The following LRP5 variants were observed in gnomAD, a reference collection of about 807,000 sequenced individuals.
The protein encoded by LRP5 is low-density lipoprotein receptor-related protein 5.
Under a neutral mutation model 154.1 loss-of-function variants are expected in LRP5, and 62 were observed. The observed-to-expected ratio is 0.40, with a 90% CI of 0.33 to 0.50. The LOEUF (loss-of-function observed/expected upper bound fraction) is 0.50, where lower values mean the gene tolerates loss of function less well. LRP5 is among the 20% of genes least tolerant of loss of function. The pLI, the probability that LRP5 is intolerant of heterozygous loss-of-function variation, is 0.55. For missense variants in LRP5, 1,915 were observed against 2,336.7 expected, an observed-to-expected ratio of 0.82 and a Z score of 3.72; for synonymous variants, 966 against 1,011.5, an observed-to-expected ratio of 0.96 and a Z score of 0.85.
chr11:68,409,051 G>GGAAAAAAA (rs1395621273), intron 9 of LRP5, among the ~76,000 whole-genome samples: 1 of 51,428 alleles, frequency 1.9e-5, no homozygotes, highest in African/African-American at 9.1e-5. Flanking sequence ...CTTATCTGGG[G>GGAAAAAAA]AAAAAAAAAA....
intron 8 of LRP5, among the ~76,000 whole-genome samples, chr11:68,405,162 GAA>G (rs200521766): frequency 7.7e-6 from 1 of 130,528 alleles, no homozygotes. Flanking sequence ...GTCTCAAAAA[GAA>G]AAAAAAAAAA....
chr11:68,435,988 A>G (rs1171388063), intron 18 of LRP5, among the ~76,000 whole-genome samples: 3 of 152,204 alleles, frequency 2.0e-5, no homozygotes, highest in African/African-American at 7.2e-5. Flanking sequence ...GGCCTCCCAA[A>G]GTGCCATGAT....
chr11:68,308,667 C>T (rs1030242208), upstream of LRP5, among the ~76,000 whole-genome samples: 5 of 152,078 alleles, frequency 3.3e-5, no homozygotes, highest in Non-Finnish European at 7.3e-5. Context: ...AATGAATGTT[C>T]TCAAGGCTCC....
At position 68,410,899 on chromosome 11, in the gene LRP5, C is replaced by CAAGG. The variant is rs756120671; in HGVS notation, c.2319-537_2319-536insAAGG. Among the ~76,000 whole-genome samples, 89 of 152,260 alleles carry CAAGG rather than the reference C, an allele frequency of 5.8e-4. No homozygotes were observed. The Middle Eastern group carries it at 0.014, about 23-fold the overall frequency. ...GGATGGCAGGACAACAGAAAGAGGT[C>CAAGG]CAGGTTTTAGAGCAAGGGCAGGTCA... On this transcript the variant is annotated intron_variant, in intron 10 of 22. Coordinates refer to ENST00000294304, the MANE Select transcript of LRP5 (RefSeq NM_002335.4).
At chr11:68,363,665 A>G in intron 3 of LRP5, 82 bp from the exon 4 acceptor site, 1 of 1,228,230 alleles carries the variant, frequency 8.1e-7, no homozygotes, top group African/African-American at 1.5e-5. Flanking sequence ...TCAAAAAAAA[A>G]AAAAGAAATT....
chr11:68,424,966 A>G, intron 14 of LRP5, 136 bp from the exon 15 acceptor site: 1 of 690,544 alleles, frequency 1.4e-6, no homozygotes, highest in African/African-American at 1.8e-5. Context: ...TTCAACTAGT[A>G]TAGAATGTGA....
chr11:68,333,444 G>A (rs868524736), intron 1 of LRP5, among the ~76,000 whole-genome samples: 1 of 152,176 alleles, frequency 6.6e-6, no homozygotes. Context: ...CAGAATGGAG[G>A]AGACCAGCTC....
chr11:68,370,111 G>A (rs535147898), intron 5 of LRP5, among the ~76,000 whole-genome samples: 14 of 152,258 alleles, frequency 9.2e-5, no homozygotes, highest in Admixed American at 2.6e-4. Context: ...GTGGGAGCCA[G>A]TAAAGGGGCG....
At chr11:68,434,188 G>C (rs2098673576) in intron 18 of LRP5, among the ~76,000 whole-genome samples, 1 of 152,210 alleles carries the variant, frequency 6.6e-6, no homozygotes, top group African/African-American at 2.4e-5. Flanking sequence ...CCACTGACCA[G>C]TCTGTGGGAT....
intron 7 of LRP5, 92 bp from the exon 8 acceptor site, chr11:68,403,391 T>G: frequency 8.9e-7 from 1 of 1,119,278 alleles, no homozygotes; most frequent in Non-Finnish European, 1.3e-6. Flanking sequence ...ACCCGTCTTG[T>G]TTGGGGCAGC....
At chr11:68,316,705 T>C (rs1045692216) in intron 1 of LRP5, among the ~76,000 whole-genome samples, 4 of 152,260 alleles carry the variant, frequency 2.6e-5, no homozygotes, top group African/African-American at 9.6e-5. Flanking sequence ...GTCTCATGCC[T>C]CCTGCATCCT....
intron 13 of LRP5, among the ~76,000 whole-genome samples, chr11:68,421,017 G>A (rs1262741512): frequency 6.6e-6 from 1 of 152,174 alleles, no homozygotes; most frequent in African/African-American, 2.4e-5. Context: ...ATGAGGTCAG[G>A]AGATCAAGAC....
chr11:68,438,513 C>T lies in LRP5; in HGVS notation c.4179C>T (p.Ile1393=). The T allele has an allele frequency of 6.2e-7, 1 of 1,614,248 alleles. No homozygotes were observed. Among genetic ancestry groups the T allele is most frequent in the South Asian group, 1.1e-5 (1 of 91,090 alleles). Residue 1393 remains isoleucine, a synonymous_variant, in exon 20 of 23, where the codon ATC becomes ATT. Coordinates refer to ENST00000294304, the MANE Select transcript of LRP5 (RefSeq NM_002335.4). ...GTGCCATCGGGCCCGTCATTGGCAT[C>T]ATCCTCTCTCTCTTCGTCATGGGTG... ...HSSAIGPVIG[I]ILSLFVMGGV... is the part of the protein sequence containing the mutation.
At chr11:68,433,890 G>A (rs749793578) in intron 18 of LRP5, 52 bp downstream of exon 18, 26 of 1,557,962 alleles carry the variant, frequency 1.7e-5, no homozygotes, top group Non-Finnish European at 2.2e-5. Flanking sequence ...TGCCCTCCGG[G>A]ATACGAGCTT....
chr11:68,336,578 C>T (rs1357650473), intron 1 of LRP5, among the ~76,000 whole-genome samples: 1 of 152,184 alleles, frequency 6.6e-6, no homozygotes, highest in Non-Finnish European at 1.5e-5. Flanking sequence ...AAGCTATTTT[C>T]CTGCCTCAGC....
rs1565122123 is a variant in LRP5, at chr11:68,443,570, TA to T, written c.4489-2865del. On this transcript the variant is annotated intron_variant, in intron 21 of 22. Coordinates refer to ENST00000294304, the MANE Select transcript of LRP5 (RefSeq NM_002335.4). Reference sequence around the variant, plus strand: ...ATATATATATATATATATATATATATATATATATATATATATTTTTTTTTTT... The same window carrying T: ...ATATATATATATATATATATATATATTATATATATATATATTTTTTTTTTT... 4.8e-3 allele frequency among the ~76,000 whole-genome samples: 190 copies of T among 39,956 alleles called. 3 individuals carry two copies. The highest frequency in any genetic ancestry group is 6.6e-3 in the African/African-American group (54 of 8,242). The allele number at this position is 39,956 out of a possible 152,430, so 26.2% of individuals were successfully genotyped here. A position where few individuals can be genotyped will look rare whatever the true frequency, so the allele number is the denominator to read the frequency against.
the LRP5 span, among the ~76,000 whole-genome samples, chr11:68,301,919 C>CG: frequency 6.6e-6 from 1 of 151,996 alleles, no homozygotes; most frequent in African/African-American, 2.4e-5. Flanking sequence ...TGAGCCACCG[C>CG]TCCCAGCCCA....
At chr11:68,439,295 C>G (rs2098676806) in intron 20 of LRP5, among the ~76,000 whole-genome samples, 1 of 152,212 alleles carries the variant, frequency 6.6e-6, no homozygotes, top group Non-Finnish European at 1.5e-5. Flanking sequence ...CTGCCCAGCC[C>G]TGAGTTCCCT....
Position 68,438,604 on chromosome 11 carries a change from C to G in LRP5, c.4270C>G (p.His1424Asp). The change falls in exon 20 of 23, where the codon CAC becomes GAC. Residue 1424 changes from histidine (H) to aspartate (D), a missense_variant. Physicochemically the swap from His to Asp is moderately conservative, Grantham distance 81. Transcript: ENST00000294304. ...RYAGANGPFP[H>D]EYVSGTPHVP... ...TGCGGGGGCCAACGGGCCCTTCCCG[C>G]ACGAGTATGTCAGCGGGACCCCGCA... is the stretch of plus-strand genomic sequence containing the variant. 5 of 1,613,964 alleles carry G rather than the reference C, an allele frequency of 3.1e-6. No homozygotes were observed. Among genetic ancestry groups the G allele is most frequent in the Admixed American group, 1.7e-5 (1 of 60,004 alleles).
Sources: allele counts gnomAD v4.1 joint callset (sites outside exome capture counted in the v4.1 genomes callset), GRCh38; gene constraint gnomAD v4.1.1; transcripts MANE v1.5; gene names NCBI Gene and HGNC (gene_info 2026-07-23, HGNC 2026-07-21).